Variants in RPAP3 observed in about 807,000 individuals in gnomAD.
RPAP3 encodes the protein RNA polymerase II-associated protein 3.
A neutral mutation model predicts 88.8 loss-of-function variants in RPAP3; 58 were observed. That is an observed-to-expected ratio of 0.65 (90% CI 0.53 to 0.81). The LOEUF is 0.81. Among genes scored for constraint, RPAP3 ranks in the 40% least tolerant of loss-of-function variants. The pLI is 0.00. For synonymous variants in RPAP3, 255 were observed against 259.9 expected, an observed-to-expected ratio of 0.98 and a Z score of 0.18; for missense variants, 751 against 764.3, an observed-to-expected ratio of 0.98 and a Z score of 0.20.
intron 3 of RPAP3, among the ~76,000 whole-genome samples, chr12:47,699,067 T>C (rs1175350077): frequency 6.6e-6 from 1 of 152,200 alleles, no homozygotes; most frequent in African/African-American, 2.4e-5. Context: ...TATGCTGACA[T>C]GTATAGAAAA....
chr12:47,683,639 T>C (rs978325913), intron 9 of RPAP3, among the ~76,000 whole-genome samples: 12 of 152,244 alleles, frequency 7.9e-5, no homozygotes, highest in African/African-American at 2.9e-4. Flanking sequence ...ACACGTCTCC[T>C]GTGCACTCCA....
Position 47,670,294 on chromosome 12 carries a change from T to C in RPAP3, c.1339A>G (p.Ile447Val), listed in dbSNP as rs531087920. 9 of 1,613,014 alleles carry C rather than the reference T, an allele frequency of 5.6e-6. No homozygotes were observed. In the East Asian group the frequency reaches 1.3e-4, roughly 24 times the overall value. Residue 447 changes from isoleucine (I) to valine (V), a missense_variant, in exon 13 of 17, where the codon ATT becomes GTT. Physicochemically the swap from Ile to Val is conservative, Grantham distance 29. Transcript: ENST00000005386. ...IEETGNLIQT[I>V]DVPDSTTAAA... Reference sequence around the variant, plus strand: ...GCAGTAGTGCTATCTGGCACATCAATAGTCTGTATCAAATTACCAGTTTCT... The same window carrying C: ...GCAGTAGTGCTATCTGGCACATCAACAGTCTGTATCAAATTACCAGTTTCT...
intron 15 of RPAP3, among the ~76,000 whole-genome samples, chr12:47,667,306 A>C (rs994962315): frequency 5.3e-5 from 8 of 152,204 alleles, no homozygotes; most frequent in African/African-American, 1.9e-4. Context: ...CTGTGAAAAC[A>C]CTGGTCATTT....
At chr12:47,703,512 C>G (rs1277252761) in intron 1 of RPAP3, among the ~76,000 whole-genome samples, 7 of 152,160 alleles carry the variant, frequency 4.6e-5, no homozygotes, top group Non-Finnish European at 1.0e-4. Context: ...GGTAAAATAA[C>G]CCCTGGTTGA....
At chr12:47,680,836 G>A (rs1237173) in intron 10 of RPAP3, among the ~76,000 whole-genome samples, 20,182 of 142,410 alleles carry the variant, frequency 0.14, 1,669 homozygotes, top group East Asian at 0.39. Context: ...AGCCCGAAGA[G>A]TTTTTTAAAA....
chr12:47,686,571 C>CACAT (rs900083826), intron 9 of RPAP3, among the ~76,000 whole-genome samples: 3 of 151,778 alleles, frequency 2.0e-5, no homozygotes, highest in Non-Finnish European at 4.4e-5. Flanking sequence ...CACACACACA[C>CACAT]ACACACTACT....
Position 47,667,799 on chromosome 12 carries a change from T to C in RPAP3, c.1766A>G (p.Asp589Gly), listed in dbSNP as rs985199805. 1 of 1,609,054 alleles carries C rather than the reference T, an allele frequency of 6.2e-7. No individual in the cohort carries two copies. Among genetic ancestry groups the C allele is most frequent in the Non-Finnish European group, 8.5e-7 (1 of 1,177,312 alleles). ...PKLFQKNLDPDVFNQIVKILH... is the reference protein window; with the variant it reads ...PKLFQKNLDPGVFNQIVKILH... ...AATTTTAACGATCTGGTTGAATACATCTGGATCCAGATTTTTCTGAAACAA... is the reference window on the plus strand; with the variant it reads ...AATTTTAACGATCTGGTTGAATACACCTGGATCCAGATTTTTCTGAAACAA... Residue 589 changes from aspartate to glycine, a missense_variant, in exon 15 of 17, where the codon GAT becomes GGT. Coordinates refer to ENST00000005386, the MANE Select transcript of RPAP3 (RefSeq NM_024604.3).
At chr12:47,669,211 T>A (rs997788459) in intron 13 of RPAP3, 109 bp from the exon 14 acceptor site, 2 of 649,422 alleles carry the variant, frequency 3.1e-6, no homozygotes, top group African/African-American at 3.7e-5. Context: ...TATTGTATTA[T>A]CTATTTGTAT....
intron 3 of RPAP3, 86 bp from the exon 4 acceptor site, chr12:47,697,805 A>T: frequency 4.3e-6 from 5 of 1,175,700 alleles, no homozygotes; most frequent in Non-Finnish European, 5.9e-6. Context: ...AATACACTCA[A>T]ATGAATGTAA....
intron 14 of RPAP3, 97 bp from the exon 15 acceptor site, chr12:47,667,948 A>G (rs1938916002): frequency 1.3e-6 from 1 of 776,382 alleles, no homozygotes; most frequent in Admixed American, 2.7e-5. Flanking sequence ...AAGAATAACT[A>G]CTTTGGGAGG....
chr12:47,678,403 T>A (rs992588679), intron 12 of RPAP3, among the ~76,000 whole-genome samples: 7 of 152,030 alleles, frequency 4.6e-5, no homozygotes, highest in African/African-American at 1.7e-4. Flanking sequence ...ACAAATGGGA[T>A]CTAATTAAAC....
intron 3 of RPAP3, chr12:47,700,286 G>C (rs893775399): frequency 6.6e-6 from 1 of 152,126 alleles, no homozygotes; most frequent in African/African-American, 2.4e-5. Context: ...ATCAGACAGT[G>C]GTTACCTCTG....
At chr12:47,670,075 G>T (rs1434990519) in intron 13 of RPAP3, 32 bp downstream of exon 13, 1 of 1,338,870 alleles carries the variant, frequency 7.5e-7, no homozygotes, top group East Asian at 2.3e-5. Flanking sequence ...ACCCATTCTG[G>T]ATGATCAGCA....
At chr12:47,688,044 A>G (rs1000190090) in intron 7 of RPAP3, 43 bp from the exon 8 acceptor site, 1 of 1,565,346 alleles carries the variant, frequency 6.4e-7, no homozygotes. Context: ...AAAGTAATGC[A>G]AGATGCATAT....
Position 47,681,766 on chromosome 12 carries a change from T to C in RPAP3, c.1044A>G (p.Ser348=). The C allele has an allele frequency of 1.9e-6, 3 of 1,611,518 alleles. No individual in the cohort carries two copies. The highest frequency in any genetic ancestry group is 2.2e-5 in the South Asian group (2 of 90,314). ...DCTQAILLDG[S]YSKAFARRGT... ...CTCTTCTGGCAAAAGCTTTAGAATATGAGCCATCTAATAAAATGGCTTGTG... is the reference window on the plus strand; with the variant it reads ...CTCTTCTGGCAAAAGCTTTAGAATACGAGCCATCTAATAAAATGGCTTGTG... Residue 348 remains serine (S), a synonymous_variant, in exon 10 of 17, where the codon TCA becomes TCG. Transcript: ENST00000005386.
At chr12:47,681,582 AC>A (rs1939223473) in intron 10 of RPAP3, 113 bp downstream of exon 10, 5 of 1,076,996 alleles carry the variant, frequency 4.6e-6, no homozygotes, top group Non-Finnish European at 6.6e-6. Flanking sequence ...TGGAAAGAAA[AC>A]ATAATTCCCT....
chr12:47,699,512 T>C (rs888303637), intron 3 of RPAP3: 4 of 152,192 alleles, frequency 2.6e-5, no homozygotes, highest in African/African-American at 9.6e-5. Flanking sequence ...GCAAACTAAA[T>C]AAAAGTCCCA....
intron 5 of RPAP3, among the ~76,000 whole-genome samples, chr12:47,694,656 C>T (rs1425155340): frequency 2.0e-5 from 3 of 148,040 alleles, no homozygotes; most frequent in Non-Finnish European, 4.5e-5. Context: ...TAGGAAAAGC[C>T]CTAAAAAAAA....
At chr12:47,694,701 A>C (rs948550855) in intron 5 of RPAP3, among the ~76,000 whole-genome samples, 2 of 149,354 alleles carry the variant, frequency 1.3e-5, no homozygotes, top group Admixed American at 1.3e-4. Flanking sequence ...TTTCACAGGG[A>C]AAAAAAAGAA....
Sources: gnomAD v4.1 joint callset for allele counts (sites outside exome capture counted in the v4.1 genomes callset) on GRCh38, gnomAD v4.1.1 for gene constraint, MANE v1.5 for transcripts, NCBI Gene and HGNC (gene_info 2026-07-23, HGNC 2026-07-21) for gene names.